Variants in AGPS observed in about 807,000 individuals in gnomAD.
AGPS encodes alkylglycerone phosphate synthase.
In AGPS, 26 loss-of-function variants were observed where a neutral mutation model predicts 90.7. That is an observed-to-expected ratio of 0.29 (90% CI 0.21 to 0.40). The LOEUF (loss-of-function observed/expected upper bound fraction) is 0.40. AGPS is among the 10% of genes least tolerant of loss of function. The pLI is 1.00. For synonymous variants in AGPS, 294 were observed against 285.3 expected, an observed-to-expected ratio of 1.03 and a Z score of -0.31; for missense variants, 540 against 816.1, an observed-to-expected ratio of 0.66 and a Z score of 4.12.
intron 15 of AGPS, among the ~76,000 whole-genome samples, chr2:177,507,036 C>A (rs865852840): frequency 8.6e-5 from 13 of 151,076 alleles, no homozygotes; most frequent in African/African-American, 1.5e-4. Context: ...GGGATTCCGC[C>A]CCCCCTACCC....
intron 9 of AGPS, among the ~76,000 whole-genome samples, chr2:177,465,537 C>T (rs991799286): frequency 6.6e-6 from 1 of 152,188 alleles, no homozygotes; most frequent in Non-Finnish European, 1.5e-5. Flanking sequence ...GCGAGCCAGG[C>T]ACAGAGTAGT....
chr2:177,472,822 T>C (rs1297420569), intron 10 of AGPS, among the ~76,000 whole-genome samples: 1 of 152,216 alleles, frequency 6.6e-6, no homozygotes, highest in Non-Finnish European at 1.5e-5. Context: ...TTTACTGGCT[T>C]GTCTGCAAGG....
At chr2:177,497,550 T>C (rs1688445438) in intron 12 of AGPS, 139 bp from the exon 13 acceptor site, 2 of 397,076 alleles carry the variant, frequency 5.0e-6, no homozygotes, top group South Asian at 6.3e-5. Flanking sequence ...TAAATATTTA[T>C]GTAAATAACA....
rs374751013 is a variant in AGPS at position 177,422,284 on chromosome 2, A to G, written c.350+1926A>G. 3.3e-5 allele frequency among the ~76,000 whole-genome samples: 5 copies of G among 152,298 alleles called. No homozygotes were observed. In the South Asian group the frequency reaches 8.3e-4, roughly 25 times the overall value. Reference sequence around the variant, plus strand: ...TGCCCTTTCTGATGTTAGGGTATCTAGAGAACAACATTTGCAACTTAGATA... The same window carrying G: ...TGCCCTTTCTGATGTTAGGGTATCTGGAGAACAACATTTGCAACTTAGATA... On this transcript the variant is annotated intron_variant, in intron 2 of 19. Coordinates refer to ENST00000264167, the MANE Select transcript of AGPS (RefSeq NM_003659.4).
chr2:177,491,842 G>A (rs1045648021), intron 11 of AGPS, among the ~76,000 whole-genome samples: 2 of 139,586 alleles, frequency 1.4e-5, no homozygotes, highest in Admixed American at 1.6e-4. Context: ...CTGGAGTGCA[G>A]TGGCACAATC....
chr2:177,432,934 C>T lies in AGPS; in HGVS notation c.351-1393C>T, dbSNP rs139484356. Among the ~76,000 whole-genome samples, 13 of 152,242 alleles carry T rather than the reference C, an allele frequency of 8.5e-5. No homozygotes were observed. In the East Asian group the frequency reaches 2.5e-3, roughly 29 times the overall value. ...GAGGTGCCAGGCTCTTTTTAAACAACCAGCTCTTGAGGGAACTAACAACTC... is the reference window on the plus strand; with the variant it reads ...GAGGTGCCAGGCTCTTTTTAAACAATCAGCTCTTGAGGGAACTAACAACTC... On this transcript the variant is annotated intron_variant, in intron 2 of 19. Coordinates refer to ENST00000264167, the MANE Select transcript of AGPS (RefSeq NM_003659.4).
At chr2:177,524,044 C>G (rs534970380) in intron 19 of AGPS, among the ~76,000 whole-genome samples, 1 of 152,162 alleles carries the variant, frequency 6.6e-6, no homozygotes, top group Admixed American at 6.5e-5. Flanking sequence ...TCTGAGGTCT[C>G]AGGGACCTCA....
intron 1 of AGPS, among the ~76,000 whole-genome samples, chr2:177,398,010 C>T (rs913838856): frequency 2.6e-5 from 4 of 152,028 alleles, no homozygotes; most frequent in Admixed American, 6.6e-5. Context: ...CCAGGCTGGA[C>T]GACAGGGCGA....
intron 8 of AGPS, among the ~76,000 whole-genome samples, chr2:177,453,694 T>G (rs2105654532): frequency 1.5e-5 from 2 of 136,564 alleles, no homozygotes; most frequent in East Asian, 4.4e-4. Flanking sequence ...GTAGTAATTT[T>G]TTTTTTTTTT....
intron 8 of AGPS, among the ~76,000 whole-genome samples, chr2:177,450,470 T>C (rs80204107): frequency 2.6e-5 from 4 of 152,206 alleles, no homozygotes; most frequent in Admixed American, 2.6e-4. Flanking sequence ...ATTATTTGTA[T>C]ATGGTATAAA....
chr2:177,463,538 G>C (rs1035514990), intron 9 of AGPS, among the ~76,000 whole-genome samples: 1 of 151,968 alleles, frequency 6.6e-6, no homozygotes, highest in Non-Finnish European at 1.5e-5. Context: ...CAATATCTTT[G>C]TTATTAGGAA....
At chr2:177,491,561 G>A (rs1159705453) in intron 11 of AGPS, among the ~76,000 whole-genome samples, 1 of 151,638 alleles carries the variant, frequency 6.6e-6, no homozygotes, top group African/African-American at 2.4e-5. Flanking sequence ...ACAGGTGTGA[G>A]CCACTGCGCC....
intron 17 of AGPS, among the ~76,000 whole-genome samples, chr2:177,516,593 A>G (rs1689028499): frequency 6.6e-6 from 1 of 152,158 alleles, no homozygotes; most frequent in African/African-American, 2.4e-5. Context: ...TGTCTGAGAT[A>G]CTAATCAATC....
At chr2:177,528,849 C>CTTTTTTTTTTTTT (rs71008000) in intron 19 of AGPS, among the ~76,000 whole-genome samples, 1 of 79,158 alleles carries the variant, frequency 1.3e-5, no homozygotes, top group African/African-American at 5.0e-5. Flanking sequence ...CATATTAATC[C>CTTTTTTTTTTTTT]TTTTTTTTTT....
At chr2:177,441,901 A>G (rs1686614528) in intron 6 of AGPS, among the ~76,000 whole-genome samples, 1 of 152,216 alleles carries the variant, frequency 6.6e-6, no homozygotes, top group East Asian at 1.9e-4. Flanking sequence ...GTTTTTAAAT[A>G]CCTCATAATC....
chr2:177,531,107 A>T (rs890975724), intron 19 of AGPS, among the ~76,000 whole-genome samples: 4 of 152,194 alleles, frequency 2.6e-5, no homozygotes, highest in Non-Finnish European at 5.9e-5. Flanking sequence ...ATAGTATTAG[A>T]AACTTTAAAA....
chr2:177,443,837 C>A (rs1385798454), intron 7 of AGPS, among the ~76,000 whole-genome samples: 2 of 152,030 alleles, frequency 1.3e-5, no homozygotes, highest in East Asian at 3.9e-4. Flanking sequence ...AATAGGGTAG[C>A]CTATATGTTT....
chr2:177,471,616 T>G (rs151166527), intron 10 of AGPS, among the ~76,000 whole-genome samples: 154 of 152,304 alleles, frequency 1.0e-3, no homozygotes, highest in African/African-American at 3.7e-3. Context: ...TCTTTTAGTC[T>G]TTGTCTACAA....
At chr2:177,528,849 C>CTTTTTTTTTTTTTTT (rs71008000) in intron 19 of AGPS, among the ~76,000 whole-genome samples, 5 of 79,142 alleles carry the variant, frequency 6.3e-5, no homozygotes, top group Non-Finnish European at 6.7e-5. Context: ...CATATTAATC[C>CTTTTTTTTTTTTTTT]TTTTTTTTTT....
Sources: allele counts gnomAD v4.1 joint callset (sites outside exome capture counted in the v4.1 genomes callset), GRCh38; gene constraint gnomAD v4.1.1; transcripts MANE v1.5; gene names NCBI Gene and HGNC (gene_info 2026-07-23, HGNC 2026-07-21).